The following PTCHD4 variants were observed in gnomAD, a reference collection of about 807,000 sequenced individuals.
The protein encoded by PTCHD4 is patched domain-containing protein 4.
In PTCHD4, 33 loss-of-function variants were observed where a neutral mutation model predicts 58.1. The observed-to-expected ratio is 0.57, with a 90% CI of 0.43 to 0.76. The LOEUF is 0.76. Ranked by LOEUF, PTCHD4 falls within the 30% of genes least tolerant of loss-of-function variation. The pLI, the probability that PTCHD4 is intolerant of heterozygous loss-of-function variation, is 0.00. For missense variants in PTCHD4, 1,058 were observed against 1,027.1 expected, an observed-to-expected ratio of 1.03 and a Z score of -0.41; for synonymous variants, 478 against 409.6, an observed-to-expected ratio of 1.17 and a Z score of -2.02.
intron 4 of PTCHD4, among the ~76,000 whole-genome samples, chr6:47,921,171 A>G (rs1488349910): frequency 6.6e-6 from 1 of 152,192 alleles, no homozygotes; most frequent in Non-Finnish European, 1.5e-5. Flanking sequence ...CTGCTTCAAG[A>G]TAGTTATTAT....
At chr6:48,019,742 A>G (rs896822971) in intron 3 of PTCHD4, among the ~76,000 whole-genome samples, 7 of 150,720 alleles carry the variant, frequency 4.6e-5, no homozygotes, top group Non-Finnish European at 7.4e-5. Flanking sequence ...TCTCAAAAAA[A>G]AAAAAAATAA....
At chr6:47,969,334 G>C (rs991701685) in intron 4 of PTCHD4, among the ~76,000 whole-genome samples, 1 of 152,192 alleles carries the variant, frequency 6.6e-6, no homozygotes, top group Non-Finnish European at 1.5e-5. Flanking sequence ...CCTATCAAGC[G>C]TGCATTTACT....
intron 4 of PTCHD4, among the ~76,000 whole-genome samples, chr6:47,916,968 A>G (rs1765278173): frequency 1.1e-5 from 1 of 90,262 alleles, no homozygotes; most frequent in African/African-American, 3.1e-5. Flanking sequence ...TCTTCATTGA[A>G]TTAAAATCAA....
chr6:48,106,685 T>C (rs1004571126), intron 1 of PTCHD4, among the ~76,000 whole-genome samples: 3 of 152,192 alleles, frequency 2.0e-5, no homozygotes, highest in Non-Finnish European at 4.4e-5. Context: ...GATGACATGA[T>C]TGAATGTCTA....
At position 48,010,186 on chromosome 6, in the gene PTCHD4, C is replaced by T. The variant is rs573964446; in HGVS notation, c.418-1072G>A. On this transcript the variant is annotated intron_variant, in intron 3 of 4. Coordinates refer to ENST00000339488, the MANE Select transcript of PTCHD4 (RefSeq NM_001384253.1). ...ATAGTGTTGAAAGTATGCTCAAGTA[C>T]CAGGTGAGAGACAGGCACTAAGGTA... Among the ~76,000 whole-genome samples the T allele has an allele frequency of 1.1e-4, 16 of 152,232 alleles. No homozygotes were observed. The East Asian group carries it at 3.1e-3, about 29-fold the overall frequency.
intron 3 of PTCHD4, among the ~76,000 whole-genome samples, chr6:48,023,818 A>G (rs1042885390): frequency 6.6e-6 from 1 of 152,208 alleles, no homozygotes; most frequent in Non-Finnish European, 1.5e-5. Flanking sequence ...CAAGGTGTTA[A>G]GAAATAGACT....
At chr6:48,032,181 A>G (rs1470352168) in intron 3 of PTCHD4, among the ~76,000 whole-genome samples, 1 of 149,880 alleles carries the variant, frequency 6.7e-6, no homozygotes, top group African/African-American at 2.5e-5. Flanking sequence ...AAAAAAAAAC[A>G]TTCTTCTCTG....
chr6:48,110,949 C>G (rs1765862696), intron 1 of PTCHD4, among the ~76,000 whole-genome samples, 100 bp downstream of exon 1: 1 of 151,766 alleles, frequency 6.6e-6, no homozygotes, highest in Non-Finnish European at 1.5e-5. Context: ...TACAGAATGA[C>G]CCTTCTACAC....
intron 1 of PTCHD4, among the ~76,000 whole-genome samples, chr6:48,085,367 C>CT (rs887426558): frequency 1.1e-4 from 16 of 152,136 alleles, no homozygotes; most frequent in South Asian, 4.2e-4. Context: ...GTTTTCTTGG[C>CT]TTTTTTTAGA....
intron 1 of PTCHD4, among the ~76,000 whole-genome samples, chr6:48,093,702 C>CA (rs1765409491): frequency 3.3e-5 from 5 of 151,854 alleles, no homozygotes; most frequent in South Asian, 4.2e-4. Flanking sequence ...ACCCCTTTTC[C>CA]CCACCTTCAT....
chr6:47,944,557 G>A (rs1472470617), intron 4 of PTCHD4, among the ~76,000 whole-genome samples: 1 of 152,036 alleles, frequency 6.6e-6, no homozygotes, highest in Non-Finnish European at 1.5e-5. Flanking sequence ...ACCTGAGAAT[G>A]GGCTGGACAT....
At chr6:48,048,685 A>G (rs148386247) in intron 3 of PTCHD4, among the ~76,000 whole-genome samples, 1 of 151,938 alleles carries the variant, frequency 6.6e-6, no homozygotes, top group Non-Finnish European at 1.5e-5. Context: ...CAAAATGAGG[A>G]AGATGAATTA....
chr6:47,882,416 T>G (rs1764043631), intron 4 of PTCHD4, among the ~76,000 whole-genome samples: 1 of 152,044 alleles, frequency 6.6e-6, no homozygotes, highest in Non-Finnish European at 1.5e-5. Context: ...TTCCAAACTT[T>G]GTTTGGAGAT....
At chr6:47,986,603 G>A (rs748511554) in intron 4 of PTCHD4, among the ~76,000 whole-genome samples, 67 of 152,220 alleles carry the variant, frequency 4.4e-4, no homozygotes, top group Non-Finnish European at 3.7e-4. Context: ...GTCTTCAACT[G>A]CTTTATAAGA....
At chr6:47,940,866 T>C (rs1228464102) in intron 4 of PTCHD4, among the ~76,000 whole-genome samples, 2 of 152,294 alleles carry the variant, frequency 1.3e-5, no homozygotes, top group East Asian at 3.9e-4. Context: ...AACAGTCAAA[T>C]CAATATTAAA....
chr6:48,064,481 A>C (rs571815994), intron 3 of PTCHD4, among the ~76,000 whole-genome samples: 268 of 152,312 alleles, frequency 1.8e-3, no homozygotes, highest in Middle Eastern at 6.8e-3. Flanking sequence ...CAACATGTTA[A>C]GTATTTTACT....
intron 4 of PTCHD4, among the ~76,000 whole-genome samples, chr6:47,891,992 T>C (rs1325960014): frequency 6.6e-6 from 1 of 152,200 alleles, no homozygotes; most frequent in Non-Finnish European, 1.5e-5. Context: ...ATCCAAACCA[T>C]GCCACCACTA....
At chr6:47,943,932 T>A (rs1466106000) in intron 4 of PTCHD4, among the ~76,000 whole-genome samples, 1 of 152,080 alleles carries the variant, frequency 6.6e-6, no homozygotes, top group Non-Finnish European at 1.5e-5. Flanking sequence ...TTCTATAAAT[T>A]TCTTTTTAAA....
intron 1 of PTCHD4, among the ~76,000 whole-genome samples, chr6:48,096,481 G>A (rs1378606967): frequency 1.3e-5 from 2 of 151,882 alleles, no homozygotes; most frequent in Non-Finnish European, 2.9e-5. Flanking sequence ...GCGTGGTGGC[G>A]GGCGCCTGTA....
Sources: gnomAD v4.1 joint callset for allele counts (sites outside exome capture counted in the v4.1 genomes callset) on GRCh38, gnomAD v4.1.1 for gene constraint, MANE v1.5 for transcripts, NCBI Gene and HGNC (gene_info 2026-07-23, HGNC 2026-07-21) for gene names.